The following WDFY2 variants were observed in gnomAD, a reference collection of about 807,000 sequenced individuals.
The protein encoded by WDFY2 is WD repeat and FYVE domain-containing protein 2.
Under a neutral mutation model 56.4 loss-of-function variants are expected in WDFY2, and 36 were observed. The ratio of observed to expected loss-of-function variants is 0.64; its 90% CI spans 0.49 to 0.84. The LOEUF is 0.84. Ranked by LOEUF, WDFY2 falls within the 40% of genes least tolerant of loss-of-function variation. The pLI is 0.00. For missense variants in WDFY2, 444 were observed against 512.2 expected (o/e 0.87, Z 1.29); for synonymous variants, 176 against 183.7 (o/e 0.96, Z 0.34).
intron 1 of WDFY2, chr13:51,586,037 A>G (rs184816324): frequency 2.5e-6 from 1 of 398,596 alleles, no homozygotes; most frequent in Admixed American, 4.4e-5. Flanking sequence ...CCAATGGAAA[A>G]CATTGTAAAC....
intron 1 of WDFY2, among the ~76,000 whole-genome samples, chr13:51,593,642 T>C (rs187092591): frequency 6.6e-4 from 101 of 152,340 alleles, no homozygotes; most frequent in South Asian, 1.4e-3. Context: ...TGTTTTTGGC[T>C]GACTGGTGAA....
chr13:51,599,946 C>T (rs1159958859), intron 1 of WDFY2, among the ~76,000 whole-genome samples: 1 of 151,966 alleles, frequency 6.6e-6, no homozygotes, highest in Non-Finnish European at 1.5e-5. Context: ...TGCTCTGGGG[C>T]TTGCAGTGCT....
chr13:51,653,361 T>C (rs1955441656), intron 1 of WDFY2, among the ~76,000 whole-genome samples: 1 of 152,220 alleles, frequency 6.6e-6, no homozygotes, highest in Non-Finnish European at 1.5e-5. Flanking sequence ...CTTCCTCCTT[T>C]AGCTCGGAAA....
chr13:51,614,108 C>T (rs1954557794), intron 1 of WDFY2, among the ~76,000 whole-genome samples: 2 of 150,618 alleles, frequency 1.3e-5, no homozygotes, highest in Admixed American at 6.6e-5. Context: ...ATCGCTTGAA[C>T]CTGGGAGGCA....
intron 7 of WDFY2, among the ~76,000 whole-genome samples, chr13:51,744,340 G>T (rs1203387381): frequency 6.6e-6 from 1 of 152,220 alleles, no homozygotes; most frequent in Non-Finnish European, 1.5e-5. Flanking sequence ...GCAGATGTTA[G>T]CTTGTGTCTG....
At chr13:51,629,461 C>T (rs1240580142) in intron 1 of WDFY2, among the ~76,000 whole-genome samples, 1 of 152,144 alleles carries the variant, frequency 6.6e-6, no homozygotes, top group Non-Finnish European at 1.5e-5. Context: ...AGAGGTTCCT[C>T]ACTACAAAAT....
At chr13:51,675,692 GT>G (rs1372983285) in intron 3 of WDFY2, among the ~76,000 whole-genome samples, 1 of 152,022 alleles carries the variant, frequency 6.6e-6, no homozygotes, top group East Asian at 1.9e-4. Context: ...TCTGCTTCTT[GT>G]TTTTTCCAGC....
chr13:51,628,609 G>A (rs563399241), intron 1 of WDFY2, among the ~76,000 whole-genome samples: 2 of 152,158 alleles, frequency 1.3e-5, no homozygotes, highest in Non-Finnish European at 2.9e-5. Flanking sequence ...TATCCCTAGC[G>A]GCACCCCCCC....
intron 1 of WDFY2, among the ~76,000 whole-genome samples, chr13:51,613,075 G>A (rs1262036698): frequency 6.6e-6 from 1 of 152,064 alleles, no homozygotes; most frequent in African/African-American, 2.4e-5. Flanking sequence ...GTGCATGCCT[G>A]TAGTCCCAGC....
intron 1 of WDFY2, among the ~76,000 whole-genome samples, chr13:51,640,065 A>G (rs1201100243): frequency 2.0e-5 from 3 of 152,222 alleles, no homozygotes. Flanking sequence ...TCATTTTAGA[A>G]GCCCAGAATT....
chr13:51,757,075 C>G (rs1285997143), intron 10 of WDFY2, among the ~76,000 whole-genome samples: 1 of 152,194 alleles, frequency 6.6e-6, no homozygotes, highest in Non-Finnish European at 1.5e-5. Context: ...CAGCATTTCC[C>G]TAATTTTAGT....
intron 3 of WDFY2, among the ~76,000 whole-genome samples, chr13:51,680,563 C>T (rs1412723071): frequency 1.3e-5 from 2 of 152,138 alleles, no homozygotes; most frequent in African/African-American, 2.4e-5. Context: ...CTGTTTAACT[C>T]AGTACATCTG....
At chr13:51,612,872 T>C (rs969530485) in intron 1 of WDFY2, among the ~76,000 whole-genome samples, 2 of 152,260 alleles carry the variant, frequency 1.3e-5, no homozygotes, top group African/African-American at 4.8e-5. Context: ...TTCTTCTTAT[T>C]ACAGAGGCAA....
chr13:51,668,914 A>T (rs1271290230), intron 2 of WDFY2, among the ~76,000 whole-genome samples: 2 of 152,256 alleles, frequency 1.3e-5, no homozygotes, highest in South Asian at 2.1e-4. Flanking sequence ...TACATTAGTC[A>T]TAAAATGAAA....
chr13:51,647,904 G>A (rs1163170782), intron 1 of WDFY2, among the ~76,000 whole-genome samples: 1 of 152,032 alleles, frequency 6.6e-6, no homozygotes, highest in African/African-American at 2.4e-5. Flanking sequence ...TTTAGCAACT[G>A]TGTCTGATAA....
At chr13:51,713,630 C>T (rs1274682648) in intron 4 of WDFY2, among the ~76,000 whole-genome samples, 4 of 152,012 alleles carry the variant, frequency 2.6e-5, no homozygotes, top group Non-Finnish European at 5.9e-5. Flanking sequence ...CCCGGCACTT[C>T]AGGAGGCCAA....
intron 2 of WDFY2, among the ~76,000 whole-genome samples, chr13:51,661,230 T>C (rs1282312514): frequency 2.8e-4 from 42 of 152,200 alleles, no homozygotes; most frequent in Admixed American, 2.7e-3. Context: ...GATTCTTAGA[T>C]TATTCCACTG....
chr13:51,723,967 A>G (rs1023032174), intron 5 of WDFY2, among the ~76,000 whole-genome samples: 3 of 152,134 alleles, frequency 2.0e-5, no homozygotes, highest in African/African-American at 7.2e-5. Context: ...TACAATTATT[A>G]TAGGAAAAGC....
At chr13:51,610,255 G>T (rs4941705) in intron 1 of WDFY2, among the ~76,000 whole-genome samples, 104,758 of 134,190 alleles carry the variant, frequency 0.78, 39,741 homozygotes, top group South Asian at 0.89. Context: ...TTTTTTTTTT[G>T]GGGGGCTAAA....
Sources: allele counts gnomAD v4.1 joint callset (sites outside exome capture counted in the v4.1 genomes callset), GRCh38; gene constraint gnomAD v4.1.1; transcripts MANE v1.5; gene names NCBI Gene and HGNC (gene_info 2026-07-23, HGNC 2026-07-21).